Variants in LRRC63 observed in about 807,000 individuals in gnomAD.
The protein encoded by LRRC63 is leucine rich repeat containing 63.
Under a neutral mutation model 49.5 loss-of-function variants are expected in LRRC63, and 40 were observed. The observed-to-expected ratio is 0.81, with a 90% CI of 0.63 to 1.05. LRRC63 has a LOEUF of 1.05. Among genes scored for constraint, LRRC63 ranks in the 50% least tolerant of loss-of-function variants. The pLI is 0.00. For missense variants in LRRC63, 636 were observed against 663.1 expected, an observed-to-expected ratio of 0.96 and a Z score of 0.45; for synonymous variants, 191 against 221.1, an observed-to-expected ratio of 0.86 and a Z score of 1.21.
At chr13:46,253,150 T>C (rs547005667) in intron 7 of LRRC63, among the ~76,000 whole-genome samples, 2 of 151,644 alleles carry the variant, frequency 1.3e-5, no homozygotes, top group South Asian at 2.1e-4. Flanking sequence ...TGTTATGAAA[T>C]TGAAGTAAAA....
At chr13:46,251,001 G>C (rs894369382) in intron 7 of LRRC63, among the ~76,000 whole-genome samples, 15 of 151,882 alleles carry the variant, frequency 9.9e-5, no homozygotes, top group African/African-American at 3.6e-4. Context: ...ACATAAAAGA[G>C]ATGGGTTTCT....
In LRRC63 at chr13:46,275,313, C is replaced by T. The variant is rs550114202; in HGVS notation, c.1551-1277C>T. On this transcript the variant is annotated intron_variant, in intron 9 of 9. Coordinates refer to ENST00000595396, the Ensembl canonical transcript of LRRC63. Reference sequence around the variant, plus strand: ...GCAGCTGTCCCTTCAATATACTGATCTCCTTTGCTTTGGATAAATACCCAG... The same window carrying T: ...GCAGCTGTCCCTTCAATATACTGATTTCCTTTGCTTTGGATAAATACCCAG... 1.7e-4 allele frequency among the ~76,000 whole-genome samples: 26 copies of T among 152,198 alleles called. 1 individual carries two copies. The highest frequency in any genetic ancestry group is 3.4e-4 in the Non-Finnish European group (23 of 67,980).
At chr13:46,218,886 T>C (rs1248923855) in intron 2 of LRRC63, among the ~76,000 whole-genome samples, 1 of 152,228 alleles carries the variant, frequency 6.6e-6, no homozygotes, top group Non-Finnish European at 1.5e-5. Context: ...GATATGAAAT[T>C]CTGGTTTGAA....
At chr13:46,219,746 C>G (rs2046352419) in intron 2 of LRRC63, among the ~76,000 whole-genome samples, 1 of 152,134 alleles carries the variant, frequency 6.6e-6, no homozygotes, top group African/African-American at 2.4e-5. Flanking sequence ...ATTTATCTAC[C>G]TTTGGTCTTT....
chr13:46,271,291 T>C (rs2047755047), intron 9 of LRRC63, among the ~76,000 whole-genome samples: 1 of 152,204 alleles, frequency 6.6e-6, no homozygotes, highest in Non-Finnish European at 1.5e-5. Context: ...CTCATTGTCC[T>C]ATTAGTTTGA....
In LRRC63 at chr13:46,234,244, A is replaced by G. The variant is rs773750100; in HGVS notation, c.885A>G (p.Glu295=). The G allele has an allele frequency of 1.3e-5, 20 of 1,550,168 alleles. No individual in the cohort carries two copies. In the South Asian group the frequency reaches 1.9e-4, roughly 15 times the overall value. ...CAGAGATACACGTTGTACGTGGTGAAGGTTTTAAGACTGTTGCAGCAACAC... is the reference window on the plus strand; with the variant it reads ...CAGAGATACACGTTGTACGTGGTGAGGGTTTTAAGACTGTTGCAGCAACAC... The change falls in exon 5 of 10, where the codon GAA becomes GAG. Residue 295 remains glutamate (E), a synonymous_variant. Coordinates refer to ENST00000595396, the Ensembl canonical transcript of LRRC63.
intron 7 of LRRC63, among the ~76,000 whole-genome samples, chr13:46,254,502 A>G (rs2047460445): frequency 6.6e-6 from 1 of 152,196 alleles, no homozygotes; most frequent in Non-Finnish European, 1.5e-5. Context: ...AGGTCCTAAA[A>G]ATGAACATGT....
At position 46,227,858 on chromosome 13, in the gene LRRC63, A is replaced by C. The variant is rs1023716820; in HGVS notation, c.432A>C (p.Lys144Asn). 4.5e-6 allele frequency: 7 copies of C among 1,550,368 alleles called. No individual in the cohort carries two copies. The Middle Eastern group carries it at 5.0e-4, about 110-fold the overall frequency. ...CTATGAAAGATGTTTATACTGAAAAAAGGCTAGAAAACATTTTAATTCTTT... is the reference window on the plus strand; with the variant it reads ...CTATGAAAGATGTTTATACTGAAAACAGGCTAGAAAACATTTTAATTCTTT... Residue 144 changes from lysine to asparagine, a missense_variant, in exon 3 of 10, where the codon AAA becomes AAC. By Grantham distance (94) the Lys-to-Asn change is moderately conservative. Transcript: ENST00000595396.
chr13:46,227,199 A>T (rs1255445024), intron 2 of LRRC63, among the ~76,000 whole-genome samples: 1 of 152,238 alleles, frequency 6.6e-6, no homozygotes, highest in East Asian at 1.9e-4. Context: ...AGTTTTAGTG[A>T]TAACCTCTCA....
intron 2 of LRRC63, among the ~76,000 whole-genome samples, chr13:46,217,794 C>G (rs997678257): frequency 6.6e-6 from 1 of 152,164 alleles, no homozygotes; most frequent in Non-Finnish European, 1.5e-5. Context: ...CCAAGTGATT[C>G]AGGTACATTG....
chr13:46,227,047 C>A (rs1168897266), intron 2 of LRRC63, among the ~76,000 whole-genome samples: 2 of 152,124 alleles, frequency 1.3e-5, no homozygotes, highest in South Asian at 2.1e-4. Context: ...AGATTGTTAT[C>A]ATCTTCAAAA....
chr13:46,269,208 A>G (rs1182251194), intron 9 of LRRC63, among the ~76,000 whole-genome samples: 1 of 138,620 alleles, frequency 7.2e-6, no homozygotes, highest in African/African-American at 2.5e-5. Context: ...GTCAAAATAA[A>G]TCTGAAAAAA....
intron 6 of LRRC63, among the ~76,000 whole-genome samples, chr13:46,247,115 G>A (rs751614687): frequency 2.6e-5 from 4 of 152,054 alleles, no homozygotes; most frequent in African/African-American, 4.8e-5. Flanking sequence ...GACAAATTAC[G>A]TTTTTCGTGT....
chr13:46,239,687 GCAA>G lies in LRRC63; in HGVS notation c.990+5354_990+5356del, dbSNP rs911638263. ...AAAACCTGGCAGAGACACAACAGCA[GCAA>G]CAACAACAACAACAAAACTTTAGGC... On this transcript the variant is annotated intron_variant, in intron 5 of 9. Transcript: ENST00000595396. 6.0e-4 allele frequency among the ~76,000 whole-genome samples: 91 copies of G among 151,320 alleles called. 1 individual carries two copies. Among genetic ancestry groups the G allele is most frequent in the African/African-American group, 2.0e-3 (84 of 41,418 alleles).
Position 46,266,891 on chromosome 13 carries a change from T to G in LRRC63, c.1469T>G (p.Ile490Ser), listed in dbSNP as rs1196455530. 5.8e-6 allele frequency: 9 copies of G among 1,549,072 alleles called. No homozygotes were observed. In the East Asian group the frequency reaches 2.2e-4, roughly 38 times the overall value. The change falls in exon 9 of 10, where the codon ATT becomes AGT. Residue 490 changes from isoleucine to serine, a missense_variant. Coordinates refer to ENST00000595396, the Ensembl canonical transcript of LRRC63. ...AATAATCCACAACAACTTACTCAAA[T>G]TATTTCTTTGTTCATTGTCCAAAAT...
At chr13:46,232,556 A>G (rs1356914976) in intron 4 of LRRC63, among the ~76,000 whole-genome samples, 1 of 152,198 alleles carries the variant, frequency 6.6e-6, no homozygotes, top group Non-Finnish European at 1.5e-5. Context: ...GGACAAAACT[A>G]AAATAGCCAA....
intron 5 of LRRC63, among the ~76,000 whole-genome samples, chr13:46,237,597 A>T (rs1176943139): frequency 6.6e-6 from 1 of 152,150 alleles, no homozygotes; most frequent in Non-Finnish European, 1.5e-5. Context: ...CAATAATGAT[A>T]AGAGCAGAGA....
intron 7 of LRRC63, among the ~76,000 whole-genome samples, chr13:46,258,982 G>GA (rs1283339050): frequency 2.0e-5 from 3 of 151,916 alleles, no homozygotes; most frequent in Admixed American, 6.6e-5. Flanking sequence ...AGTTAATAAA[G>GA]AAAAAAGTTC....
intron 2 of LRRC63, among the ~76,000 whole-genome samples, chr13:46,225,647 T>C (rs1301259452): frequency 1.3e-5 from 2 of 152,240 alleles, no homozygotes; most frequent in Non-Finnish European, 2.9e-5. Flanking sequence ...CTTAAATATA[T>C]TGGTATAGCT....
Sources: allele counts gnomAD v4.1 joint callset (sites outside exome capture counted in the v4.1 genomes callset), GRCh38; gene constraint gnomAD v4.1.1; transcripts MANE v1.5; gene names NCBI Gene and HGNC (gene_info 2026-07-23, HGNC 2026-07-21).